The following FIZ1 variants were observed in gnomAD, a reference collection of about 807,000 sequenced individuals.
The protein encoded by FIZ1 is FLT3 interacting zinc finger 1, also known as flt3-interacting zinc finger protein 1.
A neutral mutation model predicts 5.3 loss-of-function variants in FIZ1; 2 were observed. That is an observed-to-expected ratio of 0.37 (90% CI 0.15 to 1.18). FIZ1 has a LOEUF of 1.18. Ranked by LOEUF, FIZ1 falls within the 50% of genes most tolerant of loss-of-function variation. The pLI is 0.37. For missense variants in FIZ1, 631 were observed against 749.7 expected (o/e 0.84, Z 1.85); for synonymous variants, 407 against 364.2 (o/e 1.12, Z -1.34).
At position 55,593,220 on chromosome 19, in the gene FIZ1, CG is replaced by C; in HGVS notation, c.720del (p.Ala241ArgfsTer8). ...GTCAGCTTGTGCCGCTCCAGCAGCG[CG>C]GGCGCGTTGAAGTCGCGCTCGCAGC... ...CPRCERDFNA[P>X]ALLERHKLTH... On this transcript the variant is annotated frameshift_variant, in exon 3 of 3. Coordinates refer to ENST00000221665, the MANE Select transcript of FIZ1 (RefSeq NM_032836.3). LOFTEE classifies it low-confidence loss of function (END_TRUNC). This position sits in a 1 kb window ranked among gnomAD's most constrained non-coding sequence, Gnocchi z 6.3. 8.1e-7 allele frequency: 1 copy of C among 1,232,164 alleles called. No homozygotes were observed. The highest frequency in any genetic ancestry group is 2.0e-5 in the South Asian group (1 of 49,722). The allele number at this position is 1,232,164 out of a possible 1,614,324, so 76.3% of individuals were successfully genotyped here.
rs1980168028 is a variant in FIZ1 at position 55,593,587 on chromosome 19, TGAG to T, written c.351_353del (p.Ser118del). On this transcript the variant is annotated inframe_deletion, in exon 3 of 3. Coordinates refer to ENST00000221665, the MANE Select transcript of FIZ1 (RefSeq NM_032836.3). The surrounding 1 kb of genome is among the most constrained non-coding windows in gnomAD (Gnocchi z 6.3). ...TGAGGTGGCGGCCCAGGCTGGAGCG[TGAG>T]GAGAAGCGGAGCTCGCAGACCAGGC... is the stretch of plus-strand genomic sequence containing the variant. 3 of 1,551,272 alleles carry T rather than the reference TGAG, an allele frequency of 1.9e-6. No homozygotes were observed. The highest frequency in any genetic ancestry group is 2.6e-6 in the Non-Finnish European group (3 of 1,146,958).
intron 1 of FIZ1, 170 bp downstream of exon 1, chr19:55,599,304 C>G (rs1255910502): frequency 2.0e-5 from 3 of 152,500 alleles, no homozygotes; most frequent in Admixed American, 6.5e-5. Context: ...TTTTGTGCCC[C>G]TCCCCCTGCC....
At position 55,592,908 on chromosome 19, in the gene FIZ1, G is replaced by C; in HGVS notation, c.1033C>G (p.Leu345Val). 1 of 1,544,046 alleles carries C rather than the reference G, an allele frequency of 6.5e-7. No homozygotes were observed. Among genetic ancestry groups the C allele is most frequent in the Non-Finnish European group, 8.7e-7 (1 of 1,152,780 alleles). ...CGTFFASAAA[L>V]ASHLEAHSGP... is the part of the protein sequence containing the mutation. ...GAGTGGGCCTCCAGGTGACTGGCCAGGGCCGCGGCCGACGCAAAGAAGGTC... is the reference window on the plus strand; with the variant it reads ...GAGTGGGCCTCCAGGTGACTGGCCACGGCCGCGGCCGACGCAAAGAAGGTC... Residue 345 changes from leucine to valine, a missense_variant, in exon 3 of 3, where the codon CTG becomes GTG. Physicochemically the swap from Leu to Val is conservative, Grantham distance 32 (BLOSUM62 1). Coordinates refer to ENST00000221665, the MANE Select transcript of FIZ1 (RefSeq NM_032836.3). The surrounding 1 kb of genome is among the most constrained non-coding windows in gnomAD (Gnocchi z 6.9).
At position 55,593,268 on chromosome 19, in the gene FIZ1, C is replaced by T. The variant is rs755222665; in HGVS notation, c.673G>A (p.Val225Met). ...LAAHWAAHTD[V>M]KPFKCPRCER... is the part of the protein sequence containing the mutation. ...CAGCGCGGGCACTTGAAGGGCTTCA[C>T]GTCGGTGTGCGCCGCCCAGTGGGCC... is the stretch of plus-strand genomic sequence containing the variant. The change falls in exon 3 of 3, where the codon GTG (valine) becomes ATG (methionine). Residue 225 changes from valine to methionine, a missense_variant. Coordinates refer to ENST00000221665, the MANE Select transcript of FIZ1 (RefSeq NM_032836.3). The surrounding 1 kb of genome is among the most constrained non-coding windows in gnomAD (Gnocchi z 6.3). 1 of 1,273,760 alleles carries T rather than the reference C, an allele frequency of 7.9e-7. No individual in the cohort carries two copies. The allele number at this position is 1,273,760 out of a possible 1,614,324, so 78.9% of individuals were successfully genotyped here. A position where few individuals can be genotyped will look rare whatever the true frequency, so the allele number is the denominator to read the frequency against.
At position 55,592,743 on chromosome 19, in the gene FIZ1, A is replaced by G. The variant is rs1980074747; in HGVS notation, c.1198T>C (p.Ser400Pro). 6.2e-7 allele frequency: 1 copy of G among 1,610,224 alleles called. No homozygotes were observed. Among genetic ancestry groups the G allele is most frequent in the South Asian group, 1.1e-5 (1 of 91,012 alleles). Reference protein sequence around the residue: ...ATAAREREPASGEPPSGSGRG... With the variant: ...ATAAREREPAPGEPPSGSGRG... ...CCGGAGCCAGACGGGGGTTCCCCGG[A>G]CGCCGGTTCCCTTTCCCGGGCGGCG... Residue 400 changes from serine (S) to proline (P), a missense_variant, in exon 3 of 3, where the codon TCC becomes CCC. By Grantham distance (74) the Ser-to-Pro change is moderately conservative. Around this residue, in one of 4 missense-constraint regions of FIZ1, gnomAD observed 463 missense variants for 455.1 expected, o/e 1.02. Transcript: ENST00000221665. This position sits in a 1 kb window ranked among gnomAD's most constrained non-coding sequence, Gnocchi z 6.9.
At position 55,593,693 on chromosome 19, in the gene FIZ1, C is replaced by A. The variant is rs1358707430; in HGVS notation, c.295-47G>T. On this transcript the variant is annotated intron_variant, in intron 2 of 2. Coordinates refer to ENST00000221665, the MANE Select transcript of FIZ1 (RefSeq NM_032836.3). This position sits in a 1 kb window ranked among gnomAD's most constrained non-coding sequence, Gnocchi z 6.3. ...CACAACGTCAGGGCTGAGAACCTAG[C>A]CCGGACAACGGATTCCTGGACTCCC... 6.6e-7 allele frequency: 1 copy of A among 1,516,022 alleles called. No individual in the cohort carries two copies. The allele number at this position is 1,516,022 out of a possible 1,614,324, so 93.9% of individuals were successfully genotyped here.
At chr19:55,597,221 T>G (rs1026312378) in intron 2 of FIZ1, among the ~76,000 whole-genome samples, 23 of 152,232 alleles carry the variant, frequency 1.5e-4, no homozygotes, top group African/African-American at 5.1e-4. Context: ...AGTATACACC[T>G]GATAAACCTA....
At position 55,593,661 on chromosome 19, in the gene FIZ1, G is replaced by A. The variant is rs1187633595; in HGVS notation, c.295-15C>T. 6.5e-7 allele frequency: 1 copy of A among 1,549,970 alleles called. No individual in the cohort carries two copies. Among genetic ancestry groups the A allele is most frequent in the South Asian group, 1.2e-5 (1 of 84,022 alleles). Reference sequence around the variant, plus strand: ...GTGTGGACGACCTAGGGGTGCGGGAGGAAGGGCACAACGTCAGGGCTGAGA... The same window carrying A: ...GTGTGGACGACCTAGGGGTGCGGGAAGAAGGGCACAACGTCAGGGCTGAGA... On this transcript the variant is annotated splice_polypyrimidine_tract_variant and intron_variant, in intron 2 of 2. Coordinates refer to ENST00000221665, the MANE Select transcript of FIZ1 (RefSeq NM_032836.3). The surrounding 1 kb of genome is among the most constrained non-coding windows in gnomAD (Gnocchi z 6.3).
In FIZ1 at chr19:55,592,063, T is replaced by G. The variant is rs1407134441; in HGVS notation, c.*387A>C. 5.0e-6 allele frequency: 1 copy of G among 201,820 alleles called. No homozygotes were observed. Among genetic ancestry groups the G allele is most frequent in the Non-Finnish European group, 9.9e-6 (1 of 101,356 alleles). 12.5% of individuals were successfully genotyped at this position (201,820 alleles called of 1,614,324 possible). A position where few individuals can be genotyped will look rare whatever the true frequency, so the allele number is the denominator to read the frequency against. ...TCTCAGGGAATGGGGCAGTCTTCCC[T>G]TGGTGGGGGTGGGTGCCCATCTTTT... On this transcript the variant is annotated 3_prime_UTR_variant, in exon 3 of 3. Transcript: ENST00000221665. The surrounding 1 kb of genome is among the most constrained non-coding windows in gnomAD (Gnocchi z 6.9).
At position 55,593,362 on chromosome 19, in the gene FIZ1, G is replaced by A. The variant is rs538296469; in HGVS notation, c.579C>T (p.Ala193=). The A allele has an allele frequency of 2.3e-4, 309 of 1,354,532 alleles. 1 individual carries two copies. In the African/African-American group the frequency reaches 4.1e-3, roughly 18 times the overall value. 83.9% of individuals were successfully genotyped at this position (1,354,532 alleles called of 1,614,324 possible). The change falls in exon 3 of 3, where the codon GCC becomes GCT. Residue 193 remains alanine, a synonymous_variant. Transcript: ENST00000221665. The surrounding 1 kb of genome is among the most constrained non-coding windows in gnomAD (Gnocchi z 6.3). ...SWGLAEAAAA[A]AASLPPFACG... ...ACGCAAATGGGGGCAAGGAGGCCGC[G>A]GCCGCAGCTGCCGCCTCTGCCAGCC... is the stretch of plus-strand genomic sequence containing the variant.
intron 1 of FIZ1, chr19:55,598,545 G>A (rs1196362466): frequency 6.6e-6 from 1 of 152,622 alleles, no homozygotes; most frequent in Non-Finnish European, 1.5e-5. Context: ...TAAATGCTAC[G>A]TGCCCACTTA....
intron 2 of FIZ1, among the ~76,000 whole-genome samples, chr19:55,596,864 A>G (rs1214540036): frequency 6.6e-6 from 1 of 151,928 alleles, no homozygotes; most frequent in African/African-American, 2.4e-5. Flanking sequence ...GTAGAGACAG[A>G]GTTTCACCAT....
chr19:55,593,345 G>A lies in FIZ1; in HGVS notation c.596C>T (p.Pro199Leu). ...CCGCGCGCAGGCGCCGCACGCAAAT[G>A]GGGGCAAGGAGGCCGCGGCCGCAGC... Reference protein sequence around the residue: ...AAAAAAASLPPFACGACARRF... With the variant: ...AAAAAAASLPLFACGACARRF... Residue 199 changes from proline to leucine, a missense_variant, in exon 3 of 3, where the codon CCA becomes CTA. Pro to Leu is a moderately conservative substitution (Grantham distance 98, BLOSUM62 -3). Around this residue, in one of 4 missense-constraint regions of FIZ1, gnomAD observed 463 missense variants for 455.1 expected, o/e 1.02. Coordinates refer to ENST00000221665, the MANE Select transcript of FIZ1 (RefSeq NM_032836.3). This position sits in a 1 kb window ranked among gnomAD's most constrained non-coding sequence, Gnocchi z 6.3. 3.8e-6 allele frequency: 5 copies of A among 1,323,436 alleles called. No homozygotes were observed. The highest frequency in any genetic ancestry group is 4.8e-6 in the Non-Finnish European group (5 of 1,042,038). 82.0% of individuals were successfully genotyped at this position (1,323,436 alleles called of 1,614,324 possible).
At chr19:55,598,164 G>A (rs1283826841) in intron 1 of FIZ1, 5 of 461,008 alleles carry the variant, frequency 1.1e-5, no homozygotes, top group African/African-American at 1.9e-5. Flanking sequence ...CTCGCTCTTC[G>A]CCAATGCGCG....
rs377236878 is a variant in FIZ1, at chr19:55,597,846, G to A, written c.20C>T (p.Pro7Leu). The part of the protein sequence containing the change: MDDVPA[P>L]TPAPAPPAAA... ...GGCGGGCGGTGCTGGTGCAGGGGTT[G>A]GGGCGGGGACGTCATCCATGGTGGC... The change falls in exon 2 of 3, where the codon CCA becomes CTA. Residue 7 changes from proline (P) to leucine (L), a missense_variant. By Grantham distance (98) the Pro-to-Leu change is moderately conservative (BLOSUM62 -3). Transcript: ENST00000221665. 9.4e-6 allele frequency: 15 copies of A among 1,600,354 alleles called. No individual in the cohort carries two copies. The African/African-American group carries it at 1.7e-4, about 19-fold the overall frequency.
At chr19:55,599,224 C>G (rs1053512447) in intron 1 of FIZ1, 7 of 152,960 alleles carry the variant, frequency 4.6e-5, no homozygotes, top group African/African-American at 1.7e-4. Context: ...CCTCCTCCAC[C>G]CCGCAGCCTG....
At position 55,592,443 on chromosome 19, in the gene FIZ1, C is replaced by T. The variant is rs1256575620; in HGVS notation, c.*7G>A. The T allele has an allele frequency of 1.9e-6, 3 of 1,550,194 alleles. No individual in the cohort carries two copies. The highest frequency in any genetic ancestry group is 1.7e-6 in the Non-Finnish European group (2 of 1,145,586). On this transcript the variant is annotated 3_prime_UTR_variant, in exon 3 of 3. Transcript: ENST00000221665. This position sits in a 1 kb window ranked among gnomAD's most constrained non-coding sequence, Gnocchi z 6.9. ...GGGTGGAGGGCAGGGCGCACGCAGC[C>T]TGGCAGTCAGTCCATGCCCCGGTGC... is the stretch of plus-strand genomic sequence containing the variant.
chr19:55,596,285 CAGGATGTGAAGT>C (rs1267972166), intron 2 of FIZ1, among the ~76,000 whole-genome samples: 1 of 152,074 alleles, frequency 6.6e-6, no homozygotes, highest in Non-Finnish European at 1.5e-5. Flanking sequence ...GGCCAACATT[CAGGATGTGAAGT>C]CCTGAACCAA....
At position 55,593,451 on chromosome 19, in the gene FIZ1, C is replaced by G; in HGVS notation, c.490G>C (p.Gly164Arg). 1 of 1,544,224 alleles carries G rather than the reference C, an allele frequency of 6.5e-7. No homozygotes were observed. The highest frequency in any genetic ancestry group is 8.7e-7 in the Non-Finnish European group (1 of 1,145,348). Residue 164 changes from glycine to arginine, a missense_variant, in exon 3 of 3, where the codon GGG becomes CGG. By Grantham distance (125) the Gly-to-Arg change is moderately radical (BLOSUM62 -2). Around this residue, in one of 4 missense-constraint regions of FIZ1, gnomAD observed 463 missense variants for 455.1 expected, o/e 1.02. Coordinates refer to ENST00000221665, the MANE Select transcript of FIZ1 (RefSeq NM_032836.3). This position sits in a 1 kb window ranked among gnomAD's most constrained non-coding sequence, Gnocchi z 6.3. ...CCNVGPCSVC[G>R]GSGAGGGEGP... is the part of the protein sequence containing the mutation. ...TCTCCGCCGCCGGCCCCTGAGCCCCCGCACACCGAGCAGGGCCCCACATTG... is the reference window on the plus strand; with the variant it reads ...TCTCCGCCGCCGGCCCCTGAGCCCCGGCACACCGAGCAGGGCCCCACATTG...
Sources: gnomAD v4.1 joint callset for allele counts (sites outside exome capture counted in the v4.1 genomes callset) on GRCh38, gnomAD v4.1.1 for gene constraint, gnomAD v4.1.1 regional missense constraint, Gnocchi (gnomAD v3.1) non-coding constraint, MANE v1.5 for transcripts, NCBI Gene and HGNC (gene_info 2026-07-23, HGNC 2026-07-21) for gene names.